Variants in SLCO1A2 observed in about 807,000 individuals in gnomAD.
SLCO1A2 encodes OATP-1.
Under a neutral mutation model 69.0 loss-of-function variants are expected in SLCO1A2, and 67 were observed. The observed-to-expected ratio is 0.97, with a 90% confidence interval of 0.80 to 1.19. The LOEUF is 1.19. Ranked by LOEUF, SLCO1A2 falls within the 50% of genes most tolerant of loss-of-function variation. SLCO1A2 has a pLI of 0.00. For synonymous variants in SLCO1A2, 260 were observed against 265.9 expected, an observed-to-expected ratio of 0.98 and a Z score of 0.22; for missense variants, 787 against 793.7, an observed-to-expected ratio of 0.99 and a Z score of 0.10.
At position 21,334,725 on chromosome 12, in the gene SLCO1A2, A is replaced by G. The variant is rs1952819895; in HGVS notation, c.-62-16T>C. 1 of 1,150,002 alleles carries G rather than the reference A, an allele frequency of 8.7e-7. No individual in the cohort carries two copies. Among genetic ancestry groups the G allele is most frequent in the Non-Finnish European group, 1.2e-6 (1 of 801,498 alleles). 71.2% of individuals were successfully genotyped at this position (1,150,002 alleles called of 1,614,324 possible). A position where few individuals can be genotyped will look rare whatever the true frequency, so the allele number is the denominator to read the frequency against. On this transcript the variant is annotated splice_polypyrimidine_tract_variant and intron_variant, in intron 1 of 14. Coordinates refer to ENST00000683939, the MANE Select transcript of SLCO1A2 (RefSeq NM_001386879.1). The stretch of plus-strand genomic sequence containing the variant: ...TACTTCTACCCTTTCAAGCAAACAA[A>G]AAAATATGTTAAATTAACTACAAAA...
In SLCO1A2 at chr12:21,269,703, A is replaced by G; in HGVS notation, c.1858T>C (p.Leu620=). The G allele has an allele frequency of 6.2e-7, 1 of 1,612,792 alleles. No individual in the cohort carries two copies. The highest frequency in any genetic ancestry group is 1.3e-5 in the African/African-American group (1 of 74,998). The stretch of plus-strand genomic sequence containing the variant: ...AGATGACACTTCCTCAAAAGAATTA[A>G]GATGATTAAGGCTGGAACAAAGCTT... ...GSSFVPALII[L]ILLRKCHLPG... is the part of the protein sequence containing the mutation. The change falls in exon 15 of 15, where the codon TTA becomes CTA. Residue 620 remains leucine, a synonymous_variant. Transcript: ENST00000683939.
intron 3 of SLCO1A2, among the ~76,000 whole-genome samples, chr12:21,317,019 A>T (rs1950964632): frequency 6.6e-6 from 1 of 152,186 alleles, no homozygotes; most frequent in South Asian, 2.1e-4. Context: ...TACTATATAA[A>T]AATTTGTTTT....
intron 12 of SLCO1A2, among the ~76,000 whole-genome samples, chr12:21,282,236 T>A (rs1944930324): frequency 1.3e-5 from 2 of 152,026 alleles, no homozygotes; most frequent in Admixed American, 1.3e-4. Flanking sequence ...TCATTCATCA[T>A]GACCAAATGG....
chr12:21,368,034 T>A (rs937986536), intron 2 of SLCO1A2, among the ~76,000 whole-genome samples: 18 of 152,118 alleles, frequency 1.2e-4, no homozygotes, highest in African/African-American at 4.3e-4. Flanking sequence ...CAGGCAATTA[T>A]CAGCAAAGAT....
chr12:21,384,999 T>A (rs1383036554), intron 1 of SLCO1A2, among the ~76,000 whole-genome samples: 1 of 152,076 alleles, frequency 6.6e-6, no homozygotes, highest in African/African-American at 2.4e-5. Context: ...TCTCCTGACC[T>A]CGTCATCCGT....
intron 1 of SLCO1A2, among the ~76,000 whole-genome samples, chr12:21,403,103 C>T (rs1234606852): frequency 6.6e-6 from 1 of 152,064 alleles, no homozygotes; most frequent in Non-Finnish European, 1.5e-5. Flanking sequence ...AATGACAAGG[C>T]AGGAGGAAAA....
At position 21,309,204 on chromosome 12, in the gene SLCO1A2, A is replaced by G. The variant is rs370872758; in HGVS notation, c.336-2216T>C. The stretch of plus-strand genomic sequence containing the variant: ...AGTAGGGATAAAAGATGAGAAAAAC[A>G]TAAGGTTAATACAGGATGTCCAATA... On this transcript the variant is annotated intron_variant, in intron 4 of 14. Transcript: ENST00000683939. Among the ~76,000 whole-genome samples the G allele has an allele frequency of 9.2e-5, 14 of 152,330 alleles. 1 individual carries two copies. Among genetic ancestry groups the G allele is most frequent in the African/African-American group, 3.4e-4 (14 of 41,580 alleles).
chr12:21,418,541 T>C (rs544059855), upstream of SLCO1A2, among the ~76,000 whole-genome samples: 355 of 152,262 alleles, frequency 2.3e-3, 1 homozygote, highest in South Asian at 4.8e-3. Context: ...AGGCATGTCT[T>C]AGATTGCGGC....
Position 21,268,525 on chromosome 12 carries a change from T to A in SLCO1A2, c.*1023A>T, listed in dbSNP as rs1448666538. 2 of 152,136 alleles carry A rather than the reference T, an allele frequency of 1.3e-5. No individual in the cohort carries two copies. Among genetic ancestry groups the A allele is most frequent in the Non-Finnish European group, 2.9e-5 (2 of 68,002 alleles). 9.4% of individuals were successfully genotyped at this position (152,136 alleles called of 1,614,324 possible). A position where few individuals can be genotyped will look rare whatever the true frequency, so the allele number is the denominator to read the frequency against. ...ATATTAATCAATAAGTCCTCTTCTA[T>A]GTCTAAAATCCTTCAATTTTTAATT... is the stretch of plus-strand genomic sequence containing the variant. On this transcript the variant is annotated 3_prime_UTR_variant, in exon 15 of 15. Coordinates refer to ENST00000683939, the MANE Select transcript of SLCO1A2 (RefSeq NM_001386879.1).
chr12:21,350,811 T>C (rs1937880773), intron 2 of SLCO1A2, among the ~76,000 whole-genome samples: 1 of 108,260 alleles, frequency 9.2e-6, no homozygotes, highest in African/African-American at 3.6e-5. Flanking sequence ...TACTCCAGCC[T>C]GGTGACAGAG....
intron 13 of SLCO1A2, chr12:21,274,904 T>G: frequency 9.4e-7 from 1 of 1,059,092 alleles, no homozygotes; most frequent in Non-Finnish European, 1.1e-6. Context: ...AGCATTTTCT[T>G]TCATTTTATT....
intron 12 of SLCO1A2, among the ~76,000 whole-genome samples, chr12:21,291,945 A>G (rs762924688): frequency 1.8e-4 from 27 of 152,194 alleles, no homozygotes; most frequent in Non-Finnish European, 3.7e-4. Context: ...AATAAGGAAG[A>G]AAAGTAGCGA....
chr12:21,307,061 T>A, intron 4 of SLCO1A2, 73 bp from the exon 5 acceptor site: 2 of 983,606 alleles, frequency 2.0e-6, no homozygotes, highest in Non-Finnish European at 3.2e-6. Flanking sequence ...TGCAGATTGT[T>A]ACCTTCTGCT....
At chr12:21,309,226 A>C (rs1187456632) in intron 4 of SLCO1A2, among the ~76,000 whole-genome samples, 1 of 152,200 alleles carries the variant, frequency 6.6e-6, no homozygotes, top group Admixed American at 6.5e-5. Flanking sequence ...CAGGATGTCC[A>C]ATATTCAAGT....
At chr12:21,307,898 T>C (rs1949629161) in intron 4 of SLCO1A2, among the ~76,000 whole-genome samples, 1 of 152,188 alleles carries the variant, frequency 6.6e-6, no homozygotes, top group Non-Finnish European at 1.5e-5. Flanking sequence ...CTTAGAACAA[T>C]TGCTCATTGA....
intron 1 of SLCO1A2, among the ~76,000 whole-genome samples, chr12:21,389,847 T>G (rs1294254134): frequency 1.3e-5 from 2 of 151,134 alleles, no homozygotes; most frequent in East Asian, 3.9e-4. Flanking sequence ...ATAAACTATC[T>G]GGTTTCTTCT....
In SLCO1A2 at chr12:21,266,108, A is replaced by T. The variant is rs761086609; in HGVS notation, c.*3440T>A. The T allele has an allele frequency of 3.3e-5, 5 of 152,174 alleles. No homozygotes were observed. Among genetic ancestry groups the T allele is most frequent in the Non-Finnish European group, 5.9e-5 (4 of 68,024 alleles). 9.4% of individuals were successfully genotyped at this position (152,174 alleles called of 1,614,324 possible). A position where few individuals can be genotyped will look rare whatever the true frequency, so the allele number is the denominator to read the frequency against. Reference sequence around the variant, plus strand: ...AATGGGGATGCATGAGAGGACCCACAAAGAGGACGTTCACCTATGAATCAG... The same window carrying T: ...AATGGGGATGCATGAGAGGACCCACTAAGAGGACGTTCACCTATGAATCAG... On this transcript the variant is annotated 3_prime_UTR_variant, in exon 15 of 15. Transcript: ENST00000683939.
intron 2 of SLCO1A2, among the ~76,000 whole-genome samples, chr12:21,352,298 G>A (rs1368101288): frequency 6.6e-6 from 1 of 152,094 alleles, no homozygotes; most frequent in Admixed American, 6.6e-5. Flanking sequence ...ATTCTATGAG[G>A]TTTGAGCCAT....
chr12:21,293,122 G>T (rs1947153270), intron 11 of SLCO1A2, among the ~76,000 whole-genome samples: 1 of 152,076 alleles, frequency 6.6e-6, no homozygotes, highest in Non-Finnish European at 1.5e-5. Flanking sequence ...GACCAACATG[G>T]TGAAATCCCG....
Sources: gnomAD v4.1 joint callset for allele counts (sites outside exome capture counted in the v4.1 genomes callset) on GRCh38, gnomAD v4.1.1 for gene constraint, MANE v1.5 for transcripts, NCBI Gene and HGNC (gene_info 2026-07-23, HGNC 2026-07-21) for gene names.